LINGO2: variants seen among roughly 807,000 people sequenced by gnomAD.
The protein encoded by LINGO2 is leucine rich repeat and Ig domain containing 2.
LINGO2 carries 14 observed loss-of-function variants against 30.6 expected under a neutral mutation model. The ratio of observed to expected loss-of-function variants is 0.46; its 90% CI spans 0.30 to 0.72. LINGO2 has a LOEUF of 0.72. Among genes scored for constraint, LINGO2 ranks in the 30% least tolerant of loss-of-function variants. The probability of loss-of-function intolerance (pLI) is 0.07; values close to 1 mark genes in which losing one functional copy is unlikely to be tolerated. For missense variants in LINGO2, 729 were observed against 751.7 expected, an observed-to-expected ratio of 0.97 and a Z score of 0.35; for synonymous variants, 317 against 288.5, an observed-to-expected ratio of 1.10 and a Z score of -1.00.
the LINGO2 span, among the ~76,000 whole-genome samples, chr9:29,115,482 G>T: frequency 1.3e-5 from 2 of 151,736 alleles, no homozygotes; most frequent in Admixed American, 1.3e-4. Flanking sequence ...TTTATATGGG[G>T]TTCAGAACAT....
At chr9:28,429,736 T>C (rs10119837) in intron 2 of LINGO2, among the ~76,000 whole-genome samples, 19,364 of 152,198 alleles carry the variant, frequency 0.13, 1,434 homozygotes, top group East Asian at 0.23. Flanking sequence ...CATTTTCTCA[T>C]TTCTCTATCT....
chr9:29,140,708 T>G, the LINGO2 span, among the ~76,000 whole-genome samples: 41 of 151,668 alleles, frequency 2.7e-4, no homozygotes, highest in African/African-American at 9.9e-4. Context: ...GTAAAGAAGA[T>G]CATATCATGT....
the LINGO2 span, among the ~76,000 whole-genome samples, chr9:28,767,173 CATG>C: frequency 6.6e-6 from 1 of 152,030 alleles, no homozygotes; most frequent in Non-Finnish European, 1.5e-5. Flanking sequence ...TGATGTACAG[CATG>C]ATGAGTATAA....
At chr9:28,588,805 T>C (rs1047414698) in intron 1 of LINGO2, among the ~76,000 whole-genome samples, 1 of 152,048 alleles carries the variant, frequency 6.6e-6, no homozygotes, top group Non-Finnish European at 1.5e-5. Context: ...AGTCAGGCCA[T>C]GCAGCATTTC....
At chr9:28,666,586 A>G (rs1277766349) in intron 1 of LINGO2, among the ~76,000 whole-genome samples, 2 of 152,188 alleles carry the variant, frequency 1.3e-5, no homozygotes, top group African/African-American at 4.8e-5. Flanking sequence ...TATATTCTGT[A>G]ATAGTTTATT....
At chr9:29,055,704 C>A in the LINGO2 span, among the ~76,000 whole-genome samples, 5 of 152,058 alleles carry the variant, frequency 3.3e-5, no homozygotes, top group African/African-American at 7.2e-5. Flanking sequence ...AGTCCTTTAT[C>A]CATCACCTCC....
the LINGO2 span, among the ~76,000 whole-genome samples, chr9:28,876,428 G>C: frequency 6.7e-6 from 1 of 148,320 alleles, no homozygotes; most frequent in African/African-American, 2.6e-5. Flanking sequence ...AGTCCCCAGA[G>C]TGTGATGCTC....
the LINGO2 span, among the ~76,000 whole-genome samples, chr9:28,794,404 T>C: frequency 6.6e-6 from 1 of 152,172 alleles, no homozygotes; most frequent in Non-Finnish European, 1.5e-5. Flanking sequence ...GGGGGAAACA[T>C]TGAGTTAGTT....
chr9:28,232,026 C>G (rs1821373398), intron 4 of LINGO2, among the ~76,000 whole-genome samples: 1 of 151,914 alleles, frequency 6.6e-6, no homozygotes, highest in Non-Finnish European at 1.5e-5. Context: ...AGTTCAAACC[C>G]CATGCTAATT....
At chr9:28,168,236 C>T (rs1443175714) in intron 4 of LINGO2, among the ~76,000 whole-genome samples, 1 of 152,156 alleles carries the variant, frequency 6.6e-6, no homozygotes, top group African/African-American at 2.4e-5. Flanking sequence ...GTCCATTAGC[C>T]AATACAGTTT....
intron 4 of LINGO2, among the ~76,000 whole-genome samples, chr9:28,159,413 C>T (rs1215273726): frequency 6.6e-6 from 1 of 151,854 alleles, no homozygotes; most frequent in Non-Finnish European, 1.5e-5. Flanking sequence ...TTTTAAAAAA[C>T]CATTTAATAA....
intron 4 of LINGO2, among the ~76,000 whole-genome samples, chr9:28,174,533 A>C (rs376316850): frequency 2.0e-5 from 3 of 152,102 alleles, no homozygotes; most frequent in Non-Finnish European, 4.4e-5. Context: ...ATTTCACATA[A>C]GCATGTGCAC....
chr9:28,581,394 T>C (rs909024979), intron 1 of LINGO2, among the ~76,000 whole-genome samples: 4 of 151,820 alleles, frequency 2.6e-5, no homozygotes, highest in African/African-American at 9.7e-5. Context: ...TGTTTCAGCT[T>C]TTTCTAAGTG....
At chr9:29,043,084 G>A in the LINGO2 span, among the ~76,000 whole-genome samples, 3 of 151,776 alleles carry the variant, frequency 2.0e-5, no homozygotes, top group Non-Finnish European at 4.4e-5. Context: ...TCAAGAAACA[G>A]TTTTTTAAAC....
chr9:29,003,378 A>G, the LINGO2 span, among the ~76,000 whole-genome samples: 1 of 152,036 alleles, frequency 6.6e-6, no homozygotes, highest in Admixed American at 6.6e-5. Context: ...GTTAGGATTA[A>G]GTGACTATCA....
the LINGO2 span, among the ~76,000 whole-genome samples, chr9:28,850,487 T>C: frequency 6.6e-6 from 1 of 151,894 alleles, no homozygotes; most frequent in African/African-American, 2.4e-5. Flanking sequence ...GCAGTTACAT[T>C]GCACCATGTA....
At chr9:28,399,261 C>T (rs1822169407) in intron 2 of LINGO2, among the ~76,000 whole-genome samples, 1 of 152,180 alleles carries the variant, frequency 6.6e-6, no homozygotes, top group South Asian at 2.1e-4. Context: ...AAAGCAAAAA[C>T]CTTAAAAGTC....
chr9:28,057,600 T>G, intron 4 of LINGO2, among the ~76,000 whole-genome samples: 1 of 147,046 alleles, frequency 6.8e-6, no homozygotes, highest in Non-Finnish European at 1.5e-5. Context: ...TACATATATA[T>G]ACACATATAT....
At chr9:28,042,825 T>C (rs1333219732) in intron 4 of LINGO2, among the ~76,000 whole-genome samples, 1 of 152,214 alleles carries the variant, frequency 6.6e-6, no homozygotes, top group African/African-American at 2.4e-5. Context: ...TAACAAATGT[T>C]ATTATACAAA....
Sources: allele counts gnomAD v4.1 joint callset (sites outside exome capture counted in the v4.1 genomes callset), GRCh38; gene constraint gnomAD v4.1.1; transcripts MANE v1.5; gene names NCBI Gene and HGNC (gene_info 2026-07-23, HGNC 2026-07-21).